Variants in USP47 observed in about 807,000 individuals in gnomAD.
The protein encoded by USP47 is ubiquitin carboxyl-terminal hydrolase 47.
A neutral mutation model predicts 165.1 loss-of-function variants in USP47; 35 were observed. That is an observed-to-expected ratio of 0.21 (90% CI 0.16 to 0.28). The LOEUF is 0.28. USP47 is among the 10% of genes least tolerant of loss of function. USP47 has a pLI of 1.00. For synonymous variants in USP47, 531 were observed against 544.5 expected, an observed-to-expected ratio of 0.98 and a Z score of 0.35; for missense variants, 1,277 against 1,607.4, an observed-to-expected ratio of 0.79 and a Z score of 3.52.
chr11:11,900,362 G>A (rs1396711242), intron 5 of USP47, among the ~76,000 whole-genome samples: 17 of 151,724 alleles, frequency 1.1e-4, no homozygotes, highest in Non-Finnish European at 1.8e-4. Context: ...GGGTTTCACC[G>A]TGTTAGCCAG....
intron 1 of USP47, among the ~76,000 whole-genome samples, chr11:11,875,311 C>T (rs901208794): frequency 6.6e-6 from 1 of 151,722 alleles, no homozygotes; most frequent in Non-Finnish European, 1.5e-5. Flanking sequence ...AATTTTAAAC[C>T]TCAGTGTGTA....
chr11:11,883,191 G>A (rs1850941275), intron 2 of USP47, among the ~76,000 whole-genome samples: 1 of 152,160 alleles, frequency 6.6e-6, no homozygotes, highest in Non-Finnish European at 1.5e-5. Flanking sequence ...CCATGTGGCT[G>A]CTTTTAGCTT....
At chr11:11,867,308 C>T (rs1330462234) in intron 1 of USP47, among the ~76,000 whole-genome samples, 1 of 152,070 alleles carries the variant, frequency 6.6e-6, no homozygotes, top group Non-Finnish European at 1.5e-5. Context: ...GGTTCTAAGC[C>T]ATTATTTATT....
At chr11:11,917,428 C>T (rs925930170) in intron 8 of USP47, among the ~76,000 whole-genome samples, 3 of 152,042 alleles carry the variant, frequency 2.0e-5, no homozygotes, top group Non-Finnish European at 4.4e-5. Context: ...TGAGCACTTA[C>T]TATATTAAAT....
At chr11:11,859,980 T>TTGGGAGTG (rs1240563213) in intron 1 of USP47, among the ~76,000 whole-genome samples, 12 of 151,550 alleles carry the variant, frequency 7.9e-5, no homozygotes, top group Non-Finnish European at 1.0e-4. Flanking sequence ...AGCACACGCC[T>TTGGGAGTG]GTAGTTCCAG....
rs758711099 is a variant in USP47 at position 11,920,215 on chromosome 11, T to C, written c.1029T>C (p.Phe343=). The part of the protein sequence containing the change: ...PEILDGPNQY[F]CERCKKKCDA... ...TTCTGGATGGCCCAAATCAGTATTT[T>C]TGTGAACGTTGTAAGAAGAAGTGTG... Residue 343 remains phenylalanine, a synonymous_variant, in exon 9 of 28, where the codon TTT becomes TTC. Transcript: ENST00000527733. 8.1e-6 allele frequency: 13 copies of C among 1,609,618 alleles called. No homozygotes were observed. Among genetic ancestry groups the C allele is most frequent in the Non-Finnish European group, 2.5e-6 (3 of 1,177,652 alleles).
chr11:11,950,038 G>A (rs749696104), intron 23 of USP47, 34 bp downstream of exon 23: 1 of 1,466,582 alleles, frequency 6.8e-7, no homozygotes, highest in Non-Finnish European at 9.5e-7. Flanking sequence ...GCGATTTGAA[G>A]AAAGACTATG....
chr11:11,909,767 A>G (rs1342236417), intron 8 of USP47, among the ~76,000 whole-genome samples: 1 of 152,224 alleles, frequency 6.6e-6, no homozygotes, highest in Non-Finnish European at 1.5e-5. Flanking sequence ...CTTTGGAGAA[A>G]TAAGATTATA....
intron 5 of USP47, among the ~76,000 whole-genome samples, chr11:11,901,466 A>G (rs1227048479): frequency 6.6e-6 from 1 of 152,178 alleles, no homozygotes; most frequent in Non-Finnish European, 1.5e-5. Context: ...TTAGTACCTC[A>G]ATCTTATTTC....
intron 2 of USP47, among the ~76,000 whole-genome samples, chr11:11,883,949 A>G (rs1019169921): frequency 2.0e-5 from 3 of 152,194 alleles, no homozygotes. Context: ...GCTATATTAT[A>G]TACTACATTA....
At chr11:11,929,016 T>C (rs751525518) in intron 11 of USP47, among the ~76,000 whole-genome samples, 21 of 152,090 alleles carry the variant, frequency 1.4e-4, no homozygotes, top group Non-Finnish European at 2.6e-4. Context: ...CAAATAATTA[T>C]ATTCCTCAGC....
rs535408210 is a variant in USP47, at chr11:11,845,381, C to T, written c.39+3157C>T. On this transcript the variant is annotated intron_variant, in intron 1 of 27. Transcript: ENST00000527733. ...ACATTTTTCCATAAGTACCTCATATCTCATTTATGCTAAATAGCCTTTTCT... is the reference window on the plus strand; with the variant it reads ...ACATTTTTCCATAAGTACCTCATATTTCATTTATGCTAAATAGCCTTTTCT... Among the ~76,000 whole-genome samples the T allele has an allele frequency of 6.6e-5, 10 of 152,236 alleles. No homozygotes were observed. In the East Asian group the frequency reaches 1.9e-3, roughly 29 times the overall value.
rs143160909 is a variant in USP47 at position 11,905,136 on chromosome 11, G to A, written c.820-263G>A. Among the ~76,000 whole-genome samples, 1,295 of 151,578 alleles carry A rather than the reference G, an allele frequency of 8.5e-3. 5 individuals are homozygous for A. Among genetic ancestry groups the A allele is most frequent in the Non-Finnish European group, 0.014 (937 of 67,846 alleles). ...ATGAATATTGAAATCGTTAATTTTT[G>A]CACACTGACTCAAATTAGTGTTAAT... On this transcript the variant is annotated intron_variant, in intron 7 of 27. Transcript: ENST00000527733.
chr11:11,906,056 G>T (rs1852541371), intron 8 of USP47, among the ~76,000 whole-genome samples: 1 of 152,058 alleles, frequency 6.6e-6, no homozygotes, highest in South Asian at 2.1e-4. Flanking sequence ...ATAATTCAAA[G>T]AATCAAAACT....
chr11:11,857,159 T>C (rs964582461), intron 1 of USP47, among the ~76,000 whole-genome samples: 4 of 60,464 alleles, frequency 6.6e-5, no homozygotes, highest in Admixed American at 4.5e-4. Flanking sequence ...TTTGTATAAC[T>C]CATCTCCAAA....
chr11:11,898,965 T>C (rs144225191), intron 5 of USP47, among the ~76,000 whole-genome samples: 354 of 152,340 alleles, frequency 2.3e-3, no homozygotes, highest in African/African-American at 8.0e-3. Flanking sequence ...ATGCTATTAT[T>C]GTCCGCATTT....
intron 8 of USP47, among the ~76,000 whole-genome samples, chr11:11,906,806 C>T (rs72856402): frequency 0.13 from 19,383 of 152,002 alleles, 1,583 homozygotes; most frequent in Middle Eastern, 0.39. Context: ...GTAGAAATGA[C>T]ATACTGAAAA....
rs573951653 is a variant in USP47 at position 11,956,353 on chromosome 11, G to C, written c.*178G>C. 9 of 534,762 alleles carry C rather than the reference G, an allele frequency of 1.7e-5. No homozygotes were observed. The South Asian group carries it at 1.8e-4, about 11-fold the overall frequency. The allele number at this position is 534,762 out of a possible 1,614,324, so 33.1% of individuals were successfully genotyped here. On this transcript the variant is annotated 3_prime_UTR_variant, in exon 28 of 28. Transcript: ENST00000527733. ...CCCAATGGGCCACTGTTTTGACTCGGAATCATGTTGTGCACTATAGTCAAA... is the reference window on the plus strand; with the variant it reads ...CCCAATGGGCCACTGTTTTGACTCGCAATCATGTTGTGCACTATAGTCAAA...
chr11:11,938,236 TTA>T lies in USP47; in HGVS notation c.2078-19_2078-18del, dbSNP rs1330748236. 6.3e-7 allele frequency: 1 copy of T among 1,596,686 alleles called. No individual in the cohort carries two copies. The highest frequency in any genetic ancestry group is 1.3e-5 in the African/African-American group (1 of 74,554). On this transcript the variant is annotated intron_variant, in intron 17 of 27. Coordinates refer to ENST00000527733, the MANE Select transcript of USP47 (RefSeq NM_001282659.2). Reference sequence around the variant, plus strand: ...TAAAAAATAACCTCCAATTCTGTGTTTATGTCTTCAAATGTGACAGAAGTGAT... The same window carrying T: ...TAAAAAATAACCTCCAATTCTGTGTTTGTCTTCAAATGTGACAGAAGTGAT...
Sources: allele counts gnomAD v4.1 joint callset (sites outside exome capture counted in the v4.1 genomes callset), GRCh38; gene constraint gnomAD v4.1.1; transcripts MANE v1.5; gene names NCBI Gene and HGNC (gene_info 2026-07-23, HGNC 2026-07-21).